The following ENTREP2 variants were observed in gnomAD, a reference collection of about 807,000 sequenced individuals.
The protein encoded by ENTREP2 is protein ENTREP2.
chr15:29,469,551 T>TA, the ENTREP2 span, among the ~76,000 whole-genome samples: 1 of 152,000 alleles, frequency 6.6e-6, no homozygotes, highest in Non-Finnish European at 1.5e-5. Context: ...CACAGAGAAG[T>TA]AGAGTGGTGG....
chr15:29,256,214 C>A, the ENTREP2 span, among the ~76,000 whole-genome samples: 7 of 152,204 alleles, frequency 4.6e-5, no homozygotes, highest in African/African-American at 1.7e-4. Context: ...AGCTGAAAAA[C>A]CACCTATTGG....
the ENTREP2 span, among the ~76,000 whole-genome samples, chr15:29,278,497 G>A: frequency 1.3e-5 from 2 of 152,208 alleles, no homozygotes; most frequent in African/African-American, 4.8e-5. Context: ...TCAAGGTTGG[G>A]AGAGCCAGCA....
At chr15:29,257,638 A>G in the ENTREP2 span, among the ~76,000 whole-genome samples, 1 of 152,200 alleles carries the variant, frequency 6.6e-6, no homozygotes, top group Non-Finnish European at 1.5e-5. Flanking sequence ...TATGAGAAGG[A>G]TAAGATCTTA....
the ENTREP2 span, chr15:29,570,719 G>GGCATCGCGCCGGGC: frequency 2.9e-6 from 3 of 1,033,162 alleles, no homozygotes; most frequent in Non-Finnish European, 3.5e-6. Flanking sequence ...GCCGGCCGGA[G>GGCATCGCGCCGGGC]GCATCGCGCC....
chr15:29,400,298 T>C, the ENTREP2 span, among the ~76,000 whole-genome samples: 1 of 152,156 alleles, frequency 6.6e-6, no homozygotes. Flanking sequence ...ATTCCATTTA[T>C]AATGGTAAGC....
chr15:29,441,620 T>C, the ENTREP2 span, among the ~76,000 whole-genome samples: 1 of 152,224 alleles, frequency 6.6e-6, no homozygotes, highest in Admixed American at 6.5e-5. Context: ...CATATATGCA[T>C]ATAGACGATA....
the ENTREP2 span, among the ~76,000 whole-genome samples, chr15:29,584,120 G>T: frequency 6.6e-6 from 1 of 152,154 alleles, no homozygotes; most frequent in African/African-American, 2.4e-5. Context: ...GAAAATGTTT[G>T]CAAATCATGT....
chr15:29,256,098 T>C, the ENTREP2 span, among the ~76,000 whole-genome samples: 6 of 150,974 alleles, frequency 4.0e-5, no homozygotes, highest in African/African-American at 1.5e-4. Flanking sequence ...CAAAACCAAA[T>C]ACTATATATT....
chr15:29,381,879 C>A, the ENTREP2 span: 1 of 1,514,572 alleles, frequency 6.6e-7, no homozygotes, highest in Non-Finnish European at 9.0e-7. Context: ...CGAAACCTTG[C>A]ATGGGCAATC....
At chr15:29,650,599 A>C in the ENTREP2 span, among the ~76,000 whole-genome samples, 2 of 149,774 alleles carry the variant, frequency 1.3e-5, no homozygotes, top group African/African-American at 5.0e-5. Context: ...TCTCAAAAAA[A>C]ACAAAAAACA....
chr15:29,264,154 CAA>C, the ENTREP2 span, among the ~76,000 whole-genome samples: 1 of 69,062 alleles, frequency 1.4e-5, no homozygotes, highest in Non-Finnish European at 2.5e-5. Flanking sequence ...GACTCCGTCT[CAA>C]AAAAAAAAAG....
the ENTREP2 span, chr15:29,265,843 A>G: frequency 6.6e-6 from 1 of 152,252 alleles, no homozygotes; most frequent in Non-Finnish European, 1.5e-5. Context: ...CATACCTCAC[A>G]TCATACACAA....
At chr15:29,277,837 A>T in the ENTREP2 span, among the ~76,000 whole-genome samples, 1 of 152,360 alleles carries the variant, frequency 6.6e-6, no homozygotes, top group African/African-American at 2.4e-5. Context: ...TTTAGCCTAA[A>T]GTAGAGATAT....
the ENTREP2 span, among the ~76,000 whole-genome samples, chr15:29,649,540 G>A: frequency 6.6e-6 from 1 of 151,932 alleles, no homozygotes; most frequent in Non-Finnish European, 1.5e-5. Context: ...GGCCAACATG[G>A]TGAAACCCTG....
At chr15:29,325,610 G>A in the ENTREP2 span, among the ~76,000 whole-genome samples, 1 of 152,086 alleles carries the variant, frequency 6.6e-6, no homozygotes, top group African/African-American at 2.4e-5. Context: ...AATAATTAAC[G>A]ATATTCCAAA....
At chr15:29,667,936 C>T in the ENTREP2 span, among the ~76,000 whole-genome samples, 3 of 152,120 alleles carry the variant, frequency 2.0e-5, no homozygotes, top group East Asian at 3.9e-4. Context: ...AAACTATGCC[C>T]CAGAGGATAG....
At chr15:29,139,455 G>C in the ENTREP2 span, among the ~76,000 whole-genome samples, 3 of 152,346 alleles carry the variant, frequency 2.0e-5, no homozygotes, top group Non-Finnish European at 1.5e-5. Flanking sequence ...AATGCCCTCA[G>C]GTCTAATCAG....
At chr15:29,578,254 A>G in the ENTREP2 span, among the ~76,000 whole-genome samples, 67 of 152,182 alleles carry the variant, frequency 4.4e-4, no homozygotes, top group Admixed American at 5.9e-4. Context: ...AACGTGGAAA[A>G]CAGTCTGGCT....
chr15:29,286,974 T>A, the ENTREP2 span, among the ~76,000 whole-genome samples: 1 of 152,150 alleles, frequency 6.6e-6, no homozygotes, highest in African/African-American at 2.4e-5. Flanking sequence ...CACTATGGGA[T>A]TCTCCCTGAC....
Sources: gnomAD v4.1 joint callset for allele counts (sites outside exome capture counted in the v4.1 genomes callset) on GRCh38, gnomAD v4.1.1 for gene constraint, MANE v1.5 for transcripts, NCBI Gene and HGNC (gene_info 2026-07-23, HGNC 2026-07-21) for gene names.